The following RSPRY1 variants were observed in gnomAD, a reference collection of about 807,000 sequenced individuals.
RSPRY1 encodes the protein ring finger and SPRY domain containing 1.
A neutral mutation model predicts 73.1 loss-of-function variants in RSPRY1; 23 were observed. The ratio of observed to expected loss-of-function variants is 0.31; its 90% CI spans 0.23 to 0.45. RSPRY1 has a LOEUF of 0.45. RSPRY1 is among the 20% of genes least tolerant of loss of function. The pLI, the probability that RSPRY1 is intolerant of heterozygous loss-of-function variation, is 1.00. For synonymous variants in RSPRY1, 226 were observed against 251.4 expected (o/e 0.90, Z 0.95); for missense variants, 448 against 698.7 (o/e 0.64, Z 4.05).
At chr16:57,192,252 G>GT (rs1278272781) in intron 1 of RSPRY1, among the ~76,000 whole-genome samples, 1 of 152,144 alleles carries the variant, frequency 6.6e-6, no homozygotes, top group Non-Finnish European at 1.5e-5. Context: ...AGAGCAGAGA[G>GT]TTTTCTGTAA....
intron 1 of RSPRY1, among the ~76,000 whole-genome samples, chr16:57,197,247 A>G (rs1271741484): frequency 6.6e-6 from 1 of 152,174 alleles, no homozygotes; most frequent in African/African-American, 2.4e-5. Context: ...AATGACAGCC[A>G]TTTCCAGTTT....
At chr16:57,214,610 T>C (rs1460217650) in intron 6 of RSPRY1, among the ~76,000 whole-genome samples, 1 of 152,270 alleles carries the variant, frequency 6.6e-6, no homozygotes, top group Non-Finnish European at 1.5e-5. Context: ...ACTCTGGGGA[T>C]ACAACATGGC....
At chr16:57,202,162 A>G (rs2074630223) in intron 1 of RSPRY1, among the ~76,000 whole-genome samples, 1 of 152,016 alleles carries the variant, frequency 6.6e-6, no homozygotes, top group Admixed American at 6.5e-5. Flanking sequence ...CTCTAAAAAA[A>G]TAAAAAATAA....
intron 1 of RSPRY1, among the ~76,000 whole-genome samples, chr16:57,193,465 T>C (rs980794873): frequency 1.3e-5 from 2 of 150,902 alleles, no homozygotes; most frequent in African/African-American, 2.4e-5. Flanking sequence ...AGTAAGAAGA[T>C]TGTGGTCTTT....
chr16:57,227,247 C>A, intron 10 of RSPRY1, 95 bp from the exon 11 acceptor site: 2 of 791,010 alleles, frequency 2.5e-6, no homozygotes, highest in Non-Finnish European at 2.2e-6. Flanking sequence ...GCTTAGAATC[C>A]CAGCCATTAG....
At chr16:57,219,123 G>A (rs1027139971) in intron 8 of RSPRY1, among the ~76,000 whole-genome samples, 8 of 152,252 alleles carry the variant, frequency 5.3e-5, no homozygotes, top group East Asian at 3.9e-4. Context: ...ATAAACATGC[G>A]ATTGCAGATA....
intron 10 of RSPRY1, among the ~76,000 whole-genome samples, chr16:57,222,665 G>T (rs553536250): frequency 6.6e-6 from 1 of 152,346 alleles, no homozygotes; most frequent in Non-Finnish European, 1.5e-5. Flanking sequence ...CCAGAATTCA[G>T]TGGCCTTCCT....
intron 9 of RSPRY1, 33 bp from the exon 10 acceptor site, chr16:57,221,239 A>G: frequency 6.2e-7 from 1 of 1,611,288 alleles, no homozygotes; most frequent in Non-Finnish European, 8.5e-7. Flanking sequence ...TCAGGCCCTC[A>G]TAGTTGATTG....
At chr16:57,221,628 T>C (rs1157204351) in intron 10 of RSPRY1, among the ~76,000 whole-genome samples, 6 of 152,248 alleles carry the variant, frequency 3.9e-5, no homozygotes, top group Non-Finnish European at 8.8e-5. Context: ...TTTCTTTTTC[T>C]TGAATCTTAA....
chr16:57,215,102 TC>T lies in RSPRY1; in HGVS notation c.703-1003del, dbSNP rs568388130. 2.3e-4 allele frequency among the ~76,000 whole-genome samples: 35 copies of T among 152,050 alleles called. 1 individual carries two copies. In the East Asian group the frequency reaches 6.6e-3, roughly 29 times the overall value. ...GCCGGGGTGTCATGAAAGTCAGACTTCCTGATGAAGGTGGACCCTCAGCTGG... is the reference window on the plus strand; with the variant it reads ...GCCGGGGTGTCATGAAAGTCAGACTTCTGATGAAGGTGGACCCTCAGCTGG... On this transcript the variant is annotated intron_variant, in intron 6 of 14. Transcript: ENST00000394420.
chr16:57,232,151 G>C (rs2075232097), intron 13 of RSPRY1, among the ~76,000 whole-genome samples: 1 of 152,140 alleles, frequency 6.6e-6, no homozygotes, highest in Non-Finnish European at 1.5e-5. Context: ...CAGCATACTG[G>C]CCATGACATA....
chr16:57,232,723 T>C (rs2146378681), intron 13 of RSPRY1, among the ~76,000 whole-genome samples: 1 of 152,336 alleles, frequency 6.6e-6, no homozygotes, highest in East Asian at 1.9e-4. Context: ...CAGATGGCAA[T>C]GGGCATCAAC....
intron 1 of RSPRY1, among the ~76,000 whole-genome samples, chr16:57,195,849 C>T (rs1367237674): frequency 2.0e-5 from 3 of 151,312 alleles, no homozygotes; most frequent in South Asian, 2.1e-4. Flanking sequence ...ATTGAAACCC[C>T]GTCTTTACTA....
intron 13 of RSPRY1, among the ~76,000 whole-genome samples, chr16:57,233,378 T>C (rs996712558): frequency 2.6e-5 from 4 of 152,152 alleles, no homozygotes; most frequent in Admixed American, 1.3e-4. Context: ...TTTTTAATTT[T>C]TATTTTTTAT....
Position 57,217,044 on chromosome 16 carries a change from G to C in RSPRY1, c.901+9G>C, listed in dbSNP as rs1296035036. On this transcript the variant is annotated intron_variant, in intron 8 of 14. Transcript: ENST00000394420. ...GAGCTTAGACAATCTCTGTAAGTGG[G>C]AGTTGTCCTTTATTAAAATGTCCGT... 1.9e-6 allele frequency: 3 copies of C among 1,613,996 alleles called. No homozygotes were observed. The highest frequency in any genetic ancestry group is 2.7e-5 in the African/African-American group (2 of 75,030).
intron 10 of RSPRY1, among the ~76,000 whole-genome samples, chr16:57,224,630 G>A (rs558966796): frequency 8.5e-5 from 13 of 152,318 alleles, no homozygotes; most frequent in African/African-American, 3.1e-4. Context: ...GAGAGAGGGT[G>A]TAGGACATCT....
intron 4 of RSPRY1, 53 bp downstream of exon 4, chr16:57,209,240 T>C (rs1192032763): frequency 8.7e-7 from 1 of 1,154,970 alleles, no homozygotes; most frequent in Non-Finnish European, 1.3e-6. Context: ...AAGCACAAGA[T>C]AAATGACCAC....
rs532163334 is a variant in RSPRY1, at chr16:57,186,373, C to T, written c.-234C>T. ...GCCGTGGCCTCGCGTCCATCTTTGC[C>T]GTTCTCTCGGACCTGTCACAAAGGA... On this transcript the variant is annotated 5_prime_UTR_variant, in exon 1 of 15. Coordinates refer to ENST00000394420, the MANE Select transcript of RSPRY1 (RefSeq NM_133368.3). 4 of 167,710 alleles carry T rather than the reference C, an allele frequency of 2.4e-5. No homozygotes were observed. The highest frequency in any genetic ancestry group is 1.2e-5 in the Non-Finnish European group (1 of 81,172). The allele number at this position is 167,710 out of a possible 1,614,324, so 10.4% of individuals were successfully genotyped here.
chr16:57,201,844 A>G (rs1028133818), intron 1 of RSPRY1, among the ~76,000 whole-genome samples: 27 of 152,196 alleles, frequency 1.8e-4, no homozygotes, highest in African/African-American at 5.5e-4. Context: ...CTGCAATCGC[A>G]GGCACTCGGC....
Sources: allele counts gnomAD v4.1 joint callset (sites outside exome capture counted in the v4.1 genomes callset), GRCh38; gene constraint gnomAD v4.1.1; transcripts MANE v1.5; gene names NCBI Gene and HGNC (gene_info 2026-07-23, HGNC 2026-07-21).